RDX: variants seen among roughly 807,000 people sequenced by gnomAD.
RDX encodes the protein radixin.
In RDX, 32 loss-of-function variants were observed where a neutral mutation model predicts 83.7. The ratio of observed to expected loss-of-function variants is 0.38; its 90% CI spans 0.29 to 0.51. The LOEUF (loss-of-function observed/expected upper bound fraction) is 0.51. Ranked by LOEUF, RDX falls within the 20% of genes least tolerant of loss-of-function variation. RDX has a pLI of 0.87. For missense variants in RDX, 600 were observed against 689.9 expected (o/e 0.87, Z 1.46); for synonymous variants, 229 against 222.7 (o/e 1.03, Z -0.25).
At chr11:110,279,321 T>C (rs143813350) in intron 2 of RDX, among the ~76,000 whole-genome samples, 475 of 152,292 alleles carry the variant, frequency 3.1e-3, no homozygotes, top group African/African-American at 0.011. Flanking sequence ...CATAATACCA[T>C]AGTATTATGG....
intron 14 of RDX, among the ~76,000 whole-genome samples, chr11:110,215,612 C>G (rs1194434960): frequency 1.3e-5 from 2 of 152,040 alleles, no homozygotes; most frequent in Non-Finnish European, 2.9e-5. Flanking sequence ...GTATTCAAGT[C>G]GAACTTAAGA....
intron 4 of RDX, 143 bp downstream of exon 4, chr11:110,264,636 T>C: frequency 1.7e-6 from 1 of 591,316 alleles, no homozygotes; most frequent in Non-Finnish European, 2.9e-6. Context: ...CCTGATTGAA[T>C]TTAAAAAAAC....
chr11:110,246,275 T>C (rs1053369492), intron 10 of RDX, among the ~76,000 whole-genome samples: 3 of 152,234 alleles, frequency 2.0e-5, no homozygotes, highest in African/African-American at 7.2e-5. Flanking sequence ...CTTGCGCATT[T>C]ATAGCAATCT....
chr11:110,205,115 G>A (rs2134244906), intron 14 of RDX, among the ~76,000 whole-genome samples: 1 of 152,142 alleles, frequency 6.6e-6, no homozygotes, highest in South Asian at 2.1e-4. Flanking sequence ...AAATATGAAA[G>A]AAATGGCAAT....
intron 2 of RDX, among the ~76,000 whole-genome samples, chr11:110,279,343 T>C (rs2134421685): frequency 6.6e-6 from 1 of 152,296 alleles, no homozygotes; most frequent in South Asian, 2.1e-4. Context: ...CTGGCCAACA[T>C]GGTGAAACCC....
At chr11:110,228,367 T>TA (rs773079017), downstream of RDX, among the ~76,000 whole-genome samples, 83 of 151,996 alleles carry the variant, frequency 5.5e-4, no homozygotes, top group Non-Finnish European at 1.0e-3. Context: ...TTTGATAGGT[T>TA]AAAAAAATGG....
chr11:110,217,706 T>C (rs946509359), intron 14 of RDX, among the ~76,000 whole-genome samples: 2 of 152,192 alleles, frequency 1.3e-5, no homozygotes, highest in Non-Finnish European at 2.9e-5. Context: ...ACTACTGCAC[T>C]GAACATCCAC....
intron 1 of RDX, among the ~76,000 whole-genome samples, chr11:110,289,055 T>C (rs1437005267): frequency 1.3e-5 from 2 of 151,780 alleles, no homozygotes; most frequent in African/African-American, 2.4e-5. Flanking sequence ...CTGACCAACA[T>C]GGAGAAACCC....
intron 10 of RDX, among the ~76,000 whole-genome samples, chr11:110,240,718 C>T (rs1865056150): frequency 7.5e-6 from 1 of 133,980 alleles, no homozygotes; most frequent in South Asian, 2.4e-4. Context: ...GCACTCCAGC[C>T]TGGGCGACAG....
chr11:110,207,013 C>T (rs760866466), intron 14 of RDX, among the ~76,000 whole-genome samples: 5 of 152,034 alleles, frequency 3.3e-5, no homozygotes, highest in African/African-American at 4.8e-5. Context: ...CGCTCTGTTG[C>T]CCAGGCTGGA....
chr11:110,215,112 G>C (rs1254765666), intron 14 of RDX, among the ~76,000 whole-genome samples: 1 of 148,938 alleles, frequency 6.7e-6, no homozygotes, highest in Non-Finnish European at 1.5e-5. Context: ...TGTGATCCCA[G>C]CACTTTGGAA....
At position 110,246,237 on chromosome 11, in the gene RDX, T is replaced by A. The variant is rs143930788; in HGVS notation, c.1090+1466A>T. ...ATTCTCCTAGAAGTATTATTTCTAA[T>A]CCTCTTGGAATTGAAATGATCAATC... is the stretch of plus-strand genomic sequence containing the variant. On this transcript the variant is annotated intron_variant, in intron 10 of 13. Coordinates refer to ENST00000645495, the MANE Select transcript of RDX (RefSeq NM_002906.4). Among the ~76,000 whole-genome samples the A allele has an allele frequency of 1.1e-3, 174 of 152,272 alleles. 1 individual carries two copies. Among genetic ancestry groups the A allele is most frequent in the Non-Finnish European group, 2.0e-3 (136 of 68,024 alleles).
chr11:110,193,776 G>A (rs1320698389), intron 15 of RDX, among the ~76,000 whole-genome samples: 1 of 152,182 alleles, frequency 6.6e-6, no homozygotes, highest in African/African-American at 2.4e-5. Context: ...TGGCAGAGCC[G>A]CAGCAAATGC....
chr11:110,203,648 T>A (rs1863496296), intron 14 of RDX, among the ~76,000 whole-genome samples: 1 of 152,000 alleles, frequency 6.6e-6, no homozygotes, highest in Non-Finnish European at 1.5e-5. Context: ...CATAAATATA[T>A]ACTTATGTGC....
intron 14 of RDX, among the ~76,000 whole-genome samples, chr11:110,215,373 TA>T (rs1864007815): frequency 2.0e-5 from 1 of 49,828 alleles, no homozygotes; most frequent in Non-Finnish European, 4.3e-5. Context: ...AAAAAATAAA[TA>T]AATAAATAAA....
Position 110,187,859 on chromosome 11 carries a change from AG to A in RDX, c.*31+11721del, listed in dbSNP as rs372560826. Among the ~76,000 whole-genome samples, 116 of 152,378 alleles carry A rather than the reference AG, an allele frequency of 7.6e-4. No homozygotes were observed. In the East Asian group the frequency reaches 0.022, roughly 28 times the overall value. On this transcript the variant is annotated intron_variant, in intron 15 of 15. Transcript: ENST00000528498. ...AAAAAGAGAGCTTCTTCCGGTAACA[AG>A]GATCAAGTATACACCCATCTGTGTT... is the stretch of plus-strand genomic sequence containing the variant.
intron 14 of RDX, among the ~76,000 whole-genome samples, chr11:110,203,413 T>TAAAAAAAAAAAA (rs34158580): frequency 8.0e-6 from 1 of 125,532 alleles, no homozygotes; most frequent in Non-Finnish European, 1.7e-5. Context: ...TGTTAATGGG[T>TAAAAAAAAAAAA]AAAAAAAAAA....
intron 10 of RDX, among the ~76,000 whole-genome samples, chr11:110,247,025 CT>C (rs1184913609): frequency 4.0e-5 from 6 of 151,648 alleles, no homozygotes; most frequent in South Asian, 2.1e-4. Flanking sequence ...TGATGCAATA[CT>C]TTTTTTTTCT....
rs373869815 is a variant in RDX, at chr11:110,248,604, G to A, written c.960-771C>T. Among the ~76,000 whole-genome samples, 5 of 152,122 alleles carry A rather than the reference G, an allele frequency of 3.3e-5. No homozygotes were observed. In the East Asian group the frequency reaches 9.7e-4, roughly 29 times the overall value. ...CATGCTTATAAGGCACACTTTAATG[G>A]GGGAAAAATCAGATTTACCATTTGC... On this transcript the variant is annotated intron_variant, in intron 9 of 13. Transcript: ENST00000645495.
Sources: allele counts gnomAD v4.1 joint callset (sites outside exome capture counted in the v4.1 genomes callset), GRCh38; gene constraint gnomAD v4.1.1; transcripts MANE v1.5; gene names NCBI Gene and HGNC (gene_info 2026-07-23, HGNC 2026-07-21).